The following ICA1 variants were observed in gnomAD, a reference collection of about 807,000 sequenced individuals.
The protein encoded by ICA1 is islet cell autoantigen 1, also known as 69 kDa islet cell autoantigen.
A neutral mutation model predicts 71.0 loss-of-function variants in ICA1; 40 were observed. That is an observed-to-expected ratio of 0.56 (90% confidence interval 0.44 to 0.73). The LOEUF is 0.73. ICA1 is among the 30% of genes least tolerant of loss of function. The pLI is 0.00. For missense variants in ICA1, 578 were observed against 576.5 expected (o/e 1.00, Z -0.03); for synonymous variants, 207 against 209.5 (o/e 0.99, Z 0.10).
intron 4 of ICA1, among the ~76,000 whole-genome samples, chr7:8,224,988 T>C (rs1029870859): frequency 1.3e-5 from 2 of 152,248 alleles, no homozygotes; most frequent in East Asian, 1.9e-4. Flanking sequence ...TCACTCATGA[T>C]GTCAAGCTCA....
At position 8,123,983 on chromosome 7, in the gene ICA1, G is replaced by A. The variant is rs1279583645; in HGVS notation, c.1330+3890C>T. ...GGATAATAGTAGCTGGCTGGGAAGG[G>A]TACGGTGAGGATTAAAATTCATCCA... On this transcript the variant is annotated intron_variant, in intron 13 of 13. Coordinates refer to ENST00000402384, the MANE Select transcript of ICA1 (RefSeq NM_001136020.3). The surrounding 1 kb of genome is among the most constrained non-coding windows in gnomAD (Gnocchi z 4.1). Among the ~76,000 whole-genome samples, 7 of 152,212 alleles carry A rather than the reference G, an allele frequency of 4.6e-5. No homozygotes were observed. Among genetic ancestry groups the A allele is most frequent in the African/African-American group, 1.7e-4 (7 of 41,454 alleles).
Position 8,173,138 on chromosome 7 carries a change from G to T in ICA1, c.580-14486C>A, listed in dbSNP as rs535389576. The stretch of plus-strand genomic sequence containing the variant: ...TAACGGCTAACTTAGAAGCAATGAG[G>T]TCACGGCCTCTGACTATCATGTCCC... On this transcript the variant is annotated intron_variant, in intron 6 of 13. Transcript: ENST00000402384. This position sits in a 1 kb window ranked among gnomAD's most constrained non-coding sequence, Gnocchi z 4.0. Among the ~76,000 whole-genome samples, 1 of 152,270 alleles carries T rather than the reference G, an allele frequency of 6.6e-6. No homozygotes were observed. The highest frequency in any genetic ancestry group is 1.9e-4 in the East Asian group (1 of 5,180).
At position 8,162,637 on chromosome 7, in the gene ICA1, T is replaced by C. The variant is rs73232272; in HGVS notation, c.580-3985A>G. Among the ~76,000 whole-genome samples, 731 of 152,330 alleles carry C rather than the reference T, an allele frequency of 4.8e-3. 5 individuals carry two copies. Among genetic ancestry groups the C allele is most frequent in the African/African-American group, 0.014 (571 of 41,578 alleles). ...AGTTATATTCTATTACATAAATATC[T>C]TGAGGAGCTCCTGTGGTTTTGAAGG... On this transcript the variant is annotated intron_variant, in intron 6 of 13. Transcript: ENST00000402384.
rs762216091 is a variant in ICA1, at chr7:8,127,854, C to T, written c.1330+19G>A. 6.4e-7 allele frequency: 1 copy of T among 1,567,930 alleles called. No homozygotes were observed. Among genetic ancestry groups the T allele is most frequent in the Admixed American group, 2.0e-5 (1 of 51,020 alleles). ...AATGAACAAACAAAAAACCCCATTT[C>T]AATCCCCACCTTACCTACCTTGTAG... On this transcript the variant is annotated intron_variant, in intron 13 of 13. Coordinates refer to ENST00000402384, the MANE Select transcript of ICA1 (RefSeq NM_001136020.3).
In ICA1 at chr7:8,203,445, T is replaced by C. The variant is rs539589497; in HGVS notation, c.579+14860A>G. Among the ~76,000 whole-genome samples, 64 of 152,368 alleles carry C rather than the reference T, an allele frequency of 4.2e-4. 2 individuals carry two copies. Among genetic ancestry groups the C allele is most frequent in the Middle Eastern group, 6.8e-3 (2 of 294 alleles). ...GCCTTTTTTGATGGATCAGTCATCA[T>C]CATGAACATCAGCTATTTCACGATG... On this transcript the variant is annotated intron_variant, in intron 6 of 13. Transcript: ENST00000402384.
intron 6 of ICA1, among the ~76,000 whole-genome samples, chr7:8,177,836 G>C (rs1781067588): frequency 6.6e-6 from 1 of 152,280 alleles, no homozygotes; most frequent in Middle Eastern, 3.4e-3. Flanking sequence ...AGAGTGAATG[G>C]GGAAAAAGAT....
intron 6 of ICA1, among the ~76,000 whole-genome samples, chr7:8,189,702 G>A (rs1252965836): frequency 6.6e-6 from 1 of 152,080 alleles, no homozygotes; most frequent in Non-Finnish European, 1.5e-5. Context: ...GCAGTCCGAG[G>A]GGCAGGTGGG....
intron 6 of ICA1, 102 bp downstream of exon 6, chr7:8,218,203 T>G (rs1351241249): frequency 3.1e-6 from 3 of 958,194 alleles, no homozygotes; most frequent in African/African-American, 3.2e-5. Context: ...AATTGCATCC[T>G]TGGTGCTTTT....
Position 8,114,090 on chromosome 7 carries a change from C to T in ICA1, c.1331-46G>A, listed in dbSNP as rs746854064. On this transcript the variant is annotated intron_variant, in intron 13 of 13. Transcript: ENST00000402384. ...ATGAGCAAACGCACCTTCCAAATGT[C>T]CACCTCTGCCATGCGGGATGCAGGC... 4.3e-6 allele frequency: 7 copies of T among 1,611,674 alleles called. No homozygotes were observed. The South Asian group carries it at 7.7e-5, about 18-fold the overall frequency.
chr7:8,221,128 A>T (rs182748353), intron 5 of ICA1, 147 bp downstream of exon 5: 31 of 819,066 alleles, frequency 3.8e-5, no homozygotes, highest in Admixed American at 2.3e-4. Context: ...AGTTAAGTAC[A>T]AACTGCCTAA....
intron 1 of ICA1, among the ~76,000 whole-genome samples, chr7:8,258,641 G>T (rs1044918676): frequency 9.2e-5 from 14 of 152,146 alleles, no homozygotes; most frequent in African/African-American, 3.4e-4. Context: ...CACATAGTAG[G>T]CAGGCTTTGT....
At chr7:8,252,130 C>T (rs1563211624) in intron 1 of ICA1, among the ~76,000 whole-genome samples, 2 of 152,168 alleles carry the variant, frequency 1.3e-5, no homozygotes, top group Admixed American at 6.5e-5. Context: ...AAATTATATT[C>T]ACCTTTGATT....
intron 3 of ICA1, among the ~76,000 whole-genome samples, chr7:8,229,582 A>G (rs1410068847): frequency 6.6e-6 from 1 of 152,192 alleles, no homozygotes; most frequent in Non-Finnish European, 1.5e-5. Flanking sequence ...TTCACTGGCT[A>G]TGGTGGTGCA....
chr7:8,145,746 GTGTATA>G (rs1401872609), intron 8 of ICA1, among the ~76,000 whole-genome samples: 3 of 33,534 alleles, frequency 8.9e-5, no homozygotes, highest in Non-Finnish European at 2.1e-4. Flanking sequence ...TGGAATCATT[GTGTATA>G]TATATATATA....
chr7:8,118,763 A>G (rs1040320639), intron 13 of ICA1, among the ~76,000 whole-genome samples: 6 of 152,158 alleles, frequency 3.9e-5, no homozygotes, highest in Non-Finnish European at 8.8e-5. Context: ...TGTACCCAAG[A>G]CCCACCTGTC....
chr7:8,170,168 G>C (rs1807770446), intron 6 of ICA1, among the ~76,000 whole-genome samples: 1 of 151,812 alleles, frequency 6.6e-6, no homozygotes. Flanking sequence ...CTTTTGTGTA[G>C]GTCTATTTCT....
At chr7:8,114,492 C>T (rs1469261251) in intron 13 of ICA1, among the ~76,000 whole-genome samples, 2 of 152,184 alleles carry the variant, frequency 1.3e-5, no homozygotes, top group African/African-American at 4.8e-5. Flanking sequence ...CTCTTTCTAC[C>T]CTTCAAAGCA....
At chr7:8,187,392 A>G (rs1237463319) in intron 6 of ICA1, among the ~76,000 whole-genome samples, 5 of 152,174 alleles carry the variant, frequency 3.3e-5, no homozygotes, top group Non-Finnish European at 7.3e-5. Flanking sequence ...TATGGCATAA[A>G]AGATAAAAAT....
At chr7:8,153,814 A>G (rs937134486) in intron 8 of ICA1, among the ~76,000 whole-genome samples, 3 of 144,068 alleles carry the variant, frequency 2.1e-5, no homozygotes, top group Middle Eastern at 3.3e-3. Context: ...TAAAATAAAT[A>G]TATTAATTAC....
Sources: allele counts gnomAD v4.1 joint callset (sites outside exome capture counted in the v4.1 genomes callset), GRCh38; gene constraint gnomAD v4.1.1; non-coding constraint Gnocchi (gnomAD v3.1); transcripts MANE v1.5; gene names NCBI Gene and HGNC (gene_info 2026-07-23, HGNC 2026-07-21).